Variants in IGSF22 observed in about 807,000 individuals in gnomAD.
The protein encoded by IGSF22 is immunoglobulin superfamily member 22, also known as immunoglobulin superfamily, member 22.
Under a neutral mutation model 127.0 loss-of-function variants are expected in IGSF22, and 119 were observed. That is an observed-to-expected ratio of 0.94 (90% CI 0.81 to 1.09). The LOEUF is 1.09. Among genes scored for constraint, IGSF22 ranks in the 50% least tolerant of loss-of-function variants. IGSF22 has a pLI of 0.00. For synonymous variants in IGSF22, 568 were observed against 664.7 expected (o/e 0.85, Z 2.24); for missense variants, 1,518 against 1,716.6 (o/e 0.88, Z 2.04).
chr11:18,717,838 T>C (rs1848489580), intron 9 of IGSF22, 93 bp downstream of exon 9: 2 of 1,395,604 alleles, frequency 1.4e-6, no homozygotes, highest in African/African-American at 1.4e-5. Context: ...CCCATAGTCC[T>C]CTCTTCAATA....
At position 18,719,878 on chromosome 11, in the gene IGSF22, G is replaced by T; in HGVS notation, c.534C>A (p.Pro178=). Residue 178 remains proline (P), a synonymous_variant, in exon 7 of 23, where the codon CCC becomes CCA. Coordinates refer to ENST00000513874, the MANE Select transcript of IGSF22 (RefSeq NM_173588.4). ...TTGCCACCTTCTTCTGCTTCTTCTT[G>T]GGAGCAGGGGGTGCCCTAGGAGAAG... ...KMLKKRAPPA[P]KKKQKKVANE... is the part of the protein sequence containing the mutation. 6.2e-7 allele frequency: 1 copy of T among 1,614,088 alleles called. No homozygotes were observed. Among genetic ancestry groups the T allele is most frequent in the Non-Finnish European group, 8.5e-7 (1 of 1,180,022 alleles).
At position 18,714,508 on chromosome 11, in the gene IGSF22, C is replaced by T; in HGVS notation, c.1648G>A (p.Gly550Ser). 1.2e-6 allele frequency: 2 copies of T among 1,614,206 alleles called. No individual in the cohort carries two copies. The highest frequency in any genetic ancestry group is 2.2e-5 in the South Asian group (2 of 91,076). Residue 550 changes from glycine to serine, a missense_variant, in exon 12 of 23, where the codon GGC (glycine) becomes AGC (serine). This residue lies in a region of IGSF22 where 1,456 missense variants were observed against 1,644.9 expected (regional missense o/e 0.89). Coordinates refer to ENST00000513874, the MANE Select transcript of IGSF22 (RefSeq NM_173588.4). The part of the protein sequence containing the change: ...EKVEGVWLKD[G>S]KEITDLPGMQ... ...TGGCCTCTGCTTCAGACCTCCTTGC[C>T]ATCCTTCAGCCACACACCCTCCACC...
chr11:18,714,639 G>C lies in IGSF22; in HGVS notation c.1532-15C>G, dbSNP rs1848426706. ...GGCCAGACGCTCTGGGGAGAAAGGTGGGCAAGGGACTGGCTCAGGATGTTG... is the reference window on the plus strand; with the variant it reads ...GGCCAGACGCTCTGGGGAGAAAGGTCGGCAAGGGACTGGCTCAGGATGTTG... On this transcript the variant is annotated splice_polypyrimidine_tract_variant and intron_variant, in intron 11 of 22. Transcript: ENST00000513874. 2 of 1,613,244 alleles carry C rather than the reference G, an allele frequency of 1.2e-6. No homozygotes were observed. Among genetic ancestry groups the C allele is most frequent in the Non-Finnish European group, 1.7e-6 (2 of 1,180,024 alleles).
At chr11:18,707,755 G>A in intron 20 of IGSF22, 49 bp downstream of exon 20, 1 of 1,479,234 alleles carries the variant, frequency 6.8e-7, no homozygotes, top group South Asian at 1.2e-5. Flanking sequence ...GCTGTGCTTT[G>A]GAGAGTGTAC....
At position 18,706,203 on chromosome 11, in the gene IGSF22, C is replaced by T. The variant is rs901424144; in HGVS notation, c.3581-57G>A. The T allele has an allele frequency of 1.5e-4, 219 of 1,449,738 alleles. 1 individual carries two copies. Among genetic ancestry groups the T allele is most frequent in the East Asian group, 3.0e-4 (12 of 40,352 alleles). The allele number at this position is 1,449,738 out of a possible 1,614,324, so 89.8% of individuals were successfully genotyped here. On this transcript the variant is annotated intron_variant, in intron 21 of 22. Coordinates refer to ENST00000513874, the MANE Select transcript of IGSF22 (RefSeq NM_173588.4). Reference sequence around the variant, plus strand: ...GCGCCCCAAGGCCCCCACCCACCACCCACGTCTTACAGTTCAGCTTACACG... The same window carrying T: ...GCGCCCCAAGGCCCCCACCCACCACTCACGTCTTACAGTTCAGCTTACACG...
chr11:18,720,697 G>A (rs554062293), intron 4 of IGSF22, among the ~76,000 whole-genome samples: 13 of 152,164 alleles, frequency 8.5e-5, no homozygotes, highest in Non-Finnish European at 1.3e-4. Context: ...CTTGATGCCC[G>A]TCTGCATGGT....
Position 18,715,876 on chromosome 11 carries a change from G to A in IGSF22, c.1247-160C>T, listed in dbSNP as rs186951123. Among the ~76,000 whole-genome samples the A allele has an allele frequency of 1.3e-3, 203 of 152,286 alleles. 1 individual carries two copies. Among genetic ancestry groups the A allele is most frequent in the Non-Finnish European group, 2.1e-3 (142 of 68,018 alleles). On this transcript the variant is annotated intron_variant, in intron 10 of 22. Coordinates refer to ENST00000513874, the MANE Select transcript of IGSF22 (RefSeq NM_173588.4). ...TAATATGTGACTCACAGAAGTACCC[G>A]ACAGGGAGAGTCTCAGCTCTGGCCC...
In IGSF22 at chr11:18,724,013, G is replaced by A. The variant is rs767171205; in HGVS notation, c.109+115C>T. The A allele has an allele frequency of 2.2e-4, 159 of 711,664 alleles. 2 individuals carry two copies. The Middle Eastern group carries it at 6.2e-3, about 28-fold the overall frequency. 44.1% of individuals were successfully genotyped at this position (711,664 alleles called of 1,614,324 possible). On this transcript the variant is annotated intron_variant, in intron 2 of 22. Coordinates refer to ENST00000513874, the MANE Select transcript of IGSF22 (RefSeq NM_173588.4). ...ACACGTTGGGTGGGGGTTGCTGTTG[G>A]TATTGTGGGCTCCAGAGGGGCCCAT... is the stretch of plus-strand genomic sequence containing the variant.
chr11:18,714,276 C>T lies in IGSF22; in HGVS notation c.1798+1G>A, dbSNP rs762554089. 5 of 1,612,178 alleles carry T rather than the reference C, an allele frequency of 3.1e-6. No individual in the cohort carries two copies. Among genetic ancestry groups the T allele is most frequent in the Non-Finnish European group, 4.2e-6 (5 of 1,179,130 alleles). ...TTTGCCTACCTTGGACAGATCCATACCTGCGATGAATACAGAGGCTTCACT... is the reference window on the plus strand; with the variant it reads ...TTTGCCTACCTTGGACAGATCCATATCTGCGATGAATACAGAGGCTTCACT... On this transcript the variant is annotated splice_donor_variant, in intron 13 of 22. Transcript: ENST00000513874. LOFTEE classifies it high-confidence loss of function.
Position 18,718,001 on chromosome 11 carries a change from G to A in IGSF22, c.903C>T (p.Asn301=). ...GGCTGTAGATGCCAGCATCGTTCAT[G>A]TTCACGTTGCTAATAACCAGCATGT... The part of the protein sequence containing the change: ...TKYMLVISNV[N]MNDAGIYSLS... Residue 301 remains asparagine (N), a synonymous_variant, in exon 9 of 23, where the codon AAC becomes AAT. Transcript: ENST00000513874. The A allele has an allele frequency of 1.9e-6, 3 of 1,614,186 alleles. No individual in the cohort carries two copies. The highest frequency in any genetic ancestry group is 1.1e-5 in the South Asian group (1 of 91,078).
intron 15 of IGSF22, among the ~76,000 whole-genome samples, chr11:18,711,439 C>T (rs1034504227): frequency 1.7e-4 from 26 of 152,254 alleles, no homozygotes; most frequent in African/African-American, 5.8e-4. Flanking sequence ...ACTCTATTGC[C>T]CAGGCTGGAG....
intron 1 of IGSF22, among the ~76,000 whole-genome samples, chr11:18,725,743 C>T (rs1037748602): frequency 2.2e-4 from 33 of 152,170 alleles, no homozygotes; most frequent in African/African-American, 8.0e-4. Flanking sequence ...CCTGGCCCAG[C>T]ATTGCAGTTT....
rs1005000543 is a variant in IGSF22, at chr11:18,713,824, G to C, written c.2095+28C>G. On this transcript the variant is annotated intron_variant, in intron 14 of 22. Coordinates refer to ENST00000513874, the MANE Select transcript of IGSF22 (RefSeq NM_173588.4). ...CTGGGCAGCAGGTGCCCTCAGCTCA[G>C]CCCAGCCCGGACTGGCCCTGCCCTG... The C allele has an allele frequency of 4.5e-6, 7 of 1,564,340 alleles. No homozygotes were observed. The African/African-American group carries it at 9.4e-5, about 21-fold the overall frequency.
At chr11:18,724,008 T>C in intron 2 of IGSF22, 120 bp downstream of exon 2, 1 of 679,960 alleles carries the variant, frequency 1.5e-6, no homozygotes, top group Non-Finnish European at 2.6e-6. Flanking sequence ...TGGGGGTTGC[T>C]GTTGGTATTG....
intron 21 of IGSF22, 51 bp from the exon 22 acceptor site, chr11:18,706,197 C>A (rs1199526434): frequency 6.8e-7 from 1 of 1,468,972 alleles, no homozygotes. Flanking sequence ...GGCCCCCACC[C>A]ACCACCCACG....
Position 18,721,636 on chromosome 11 carries a change from T to TC in IGSF22, c.276dup (p.Asn93GlufsTer28), listed in dbSNP as rs753191129. ...TTCCAGGAGATGTGGGGTTTGGCGT[T>TC]CCCCTGCACCCGGGCTCGGAACACG... is the stretch of plus-strand genomic sequence containing the variant. On this transcript the variant is annotated frameshift_variant, in exon 4 of 23. Coordinates refer to ENST00000513874, the MANE Select transcript of IGSF22 (RefSeq NM_173588.4). LOFTEE classifies it high-confidence loss of function. The TC allele has an allele frequency of 5.0e-6, 8 of 1,614,084 alleles. No individual in the cohort carries two copies. The highest frequency in any genetic ancestry group is 6.8e-6 in the Non-Finnish European group (8 of 1,180,026).
rs762994429 is a variant in IGSF22, at chr11:18,713,877, C to T, written c.2070G>A (p.Thr690=). 41 of 1,613,744 alleles carry T rather than the reference C, an allele frequency of 2.5e-5. No homozygotes were observed. Among genetic ancestry groups the T allele is most frequent in the African/African-American group, 2.3e-4 (17 of 74,950 alleles). ...LKLKNDHGSA[T]ATLHLSVLDR... is the part of the protein sequence containing the mutation. The stretch of plus-strand genomic sequence containing the variant: ...CCAGCACACTAAGGTGCAGAGTGGC[C>T]GTGGCTGAGCCGTGGTCATTCTTGA... Residue 690 remains threonine, a synonymous_variant, in exon 14 of 23, where the codon ACG becomes ACA. Coordinates refer to ENST00000513874, the MANE Select transcript of IGSF22 (RefSeq NM_173588.4).
In IGSF22 at chr11:18,714,614, G is replaced by T. The variant is rs774514133; in HGVS notation, c.1542C>A (p.Ala514=). Residue 514 remains alanine, a synonymous_variant, in exon 12 of 23, where the codon GCC becomes GCA. Transcript: ENST00000513874. ...CGTCGGACATCCCGCTCTTCACTGT[G>T]GCCAGACGCTCTGGGGAGAAAGGTG... ...TAIVTVEERL[A]TVKSGMSDVH... is the part of the protein sequence containing the mutation. 2 of 1,614,070 alleles carry T rather than the reference G, an allele frequency of 1.2e-6. No individual in the cohort carries two copies. The highest frequency in any genetic ancestry group is 4.5e-5 in the East Asian group (2 of 44,886).
At chr11:18,712,014 C>G in intron 15 of IGSF22, 68 bp downstream of exon 15, 1 of 1,330,282 alleles carries the variant, frequency 7.5e-7, no homozygotes, top group Admixed American at 2.2e-5. Flanking sequence ...GATCAGTGTT[C>G]CTTCCTGGCT....
Sources: allele counts gnomAD v4.1 joint callset (sites outside exome capture counted in the v4.1 genomes callset), GRCh38; gene constraint gnomAD v4.1.1; regional missense constraint gnomAD v4.1.1; transcripts MANE v1.5; gene names NCBI Gene and HGNC (gene_info 2026-07-23, HGNC 2026-07-21).